MYO3B: variants seen among roughly 807,000 people sequenced by gnomAD.
The protein encoded by MYO3B is myosin-IIIb.
In MYO3B, 156 loss-of-function variants were observed where a neutral mutation model predicts 174.6. That is an observed-to-expected ratio of 0.89 (90% confidence interval 0.78 to 1.02). The LOEUF (loss-of-function observed/expected upper bound fraction) is 1.02, where lower values mean the gene tolerates loss of function less well. MYO3B is among the 50% of genes least tolerant of loss of function. The pLI is 0.00. For missense variants in MYO3B, 1,632 were observed against 1,639.4 expected, an observed-to-expected ratio of 1.00 and a Z score of 0.08; for synonymous variants, 563 against 569.1, an observed-to-expected ratio of 0.99 and a Z score of 0.15.
chr2:170,322,588 G>T (rs890866049), intron 7 of MYO3B, among the ~76,000 whole-genome samples: 1 of 152,192 alleles, frequency 6.6e-6, no homozygotes, highest in African/African-American at 2.4e-5. Context: ...TACTGCTGGG[G>T]CCTCTCTGCC....
At chr2:170,447,558 T>G (rs1683297585) in intron 23 of MYO3B, among the ~76,000 whole-genome samples, 1 of 152,198 alleles carries the variant, frequency 6.6e-6, no homozygotes, top group African/African-American at 2.4e-5. Flanking sequence ...AGTTGACAAA[T>G]GAGGCAAATC....
intron 32 of MYO3B, among the ~76,000 whole-genome samples, chr2:170,606,255 T>C (rs1346819332): frequency 2.0e-5 from 3 of 152,228 alleles, no homozygotes; most frequent in Non-Finnish European, 4.4e-5. Flanking sequence ...AAGCTCTGTA[T>C]GACATGTCCA....
intron 32 of MYO3B, among the ~76,000 whole-genome samples, chr2:170,563,553 C>G (rs143118970): frequency 2.0e-5 from 3 of 152,294 alleles, no homozygotes; most frequent in African/African-American, 4.8e-5. Flanking sequence ...CACTGAGAAG[C>G]CAGACTAGTC....
At chr2:170,331,877 A>C (rs1486860171) in intron 7 of MYO3B, among the ~76,000 whole-genome samples, 1 of 152,064 alleles carries the variant, frequency 6.6e-6, no homozygotes, top group East Asian at 1.9e-4. Context: ...AGTCCCTTTC[A>C]TACGTTGAAT....
At chr2:170,405,754 A>G (rs2094505514) in intron 21 of MYO3B, 121 bp downstream of exon 21, 4 of 774,874 alleles carry the variant, frequency 5.2e-6, no homozygotes, top group African/African-American at 3.5e-5. Flanking sequence ...TTCTTCCTGA[A>G]TACCTAATCA....
At chr2:170,466,211 A>T (rs957267813) in intron 24 of MYO3B, among the ~76,000 whole-genome samples, 7 of 151,708 alleles carry the variant, frequency 4.6e-5, no homozygotes, top group African/African-American at 1.7e-4. Flanking sequence ...TACCAGCGAC[A>T]AGCATTCTAG....
chr2:170,314,044 T>A (rs1322121225), intron 7 of MYO3B, among the ~76,000 whole-genome samples: 1 of 152,174 alleles, frequency 6.6e-6, no homozygotes, highest in African/African-American at 2.4e-5. Context: ...AGAAGGGGAC[T>A]GTGCTCCCTC....
At chr2:170,485,344 TG>T (rs1452033311) in intron 25 of MYO3B, among the ~76,000 whole-genome samples, 1 of 150,760 alleles carries the variant, frequency 6.6e-6, no homozygotes, top group African/African-American at 2.5e-5. Flanking sequence ...TGCCCAATGA[TG>T]CCCCCTCTCT....
Position 170,643,430 on chromosome 2 carries a change from T to C in MYO3B, c.3734-8198T>C, listed in dbSNP as rs796986982. ...GATTGTCTAGCTGACAGCTGGGTTA[T>C]TGTCACCTGCAAATGCCCTGAGAAC... On this transcript the variant is annotated intron_variant, in intron 32 of 34. Transcript: ENST00000408978. Among the ~76,000 whole-genome samples, 8 of 152,260 alleles carry C rather than the reference T, an allele frequency of 5.3e-5. No homozygotes were observed. In the South Asian group the frequency reaches 1.2e-3, roughly 24 times the overall value.
Position 170,404,315 on chromosome 2 carries a change from C to T in MYO3B, c.2346C>T (p.Asp782=), listed in dbSNP as rs1278328071. 1.2e-6 allele frequency: 2 copies of T among 1,613,928 alleles called. No individual in the cohort carries two copies. The highest frequency in any genetic ancestry group is 1.7e-5 in the Admixed American group (1 of 59,984). Residue 782 remains aspartate (D), a synonymous_variant, in exon 20 of 35, where the codon GAC becomes GAT. Coordinates refer to ENST00000408978, the MANE Select transcript of MYO3B (RefSeq NM_138995.5). ...ATGAGGACAACCGCCCGCTCTTGGACATGTTCCTCCAGAAACCCCTGGGAC... is the reference window on the plus strand; with the variant it reads ...ATGAGGACAACCGCCCGCTCTTGGATATGTTCCTCCAGAAACCCCTGGGAC... ...VEYEDNRPLL[D]MFLQKPLGLL...
At chr2:170,299,852 A>G (rs1418583795) in intron 7 of MYO3B, among the ~76,000 whole-genome samples, 2 of 152,226 alleles carry the variant, frequency 1.3e-5, no homozygotes, top group Non-Finnish European at 2.9e-5. Flanking sequence ...CACAGGAATA[A>G]TTATGTGGGG....
At chr2:170,479,913 G>T (rs1240448252) in intron 25 of MYO3B, among the ~76,000 whole-genome samples, 1 of 147,354 alleles carries the variant, frequency 6.8e-6, no homozygotes, top group African/African-American at 2.5e-5. Context: ...TATTTTATAG[G>T]TTTAATATGT....
chr2:170,424,509 C>T (rs968687491), intron 22 of MYO3B, among the ~76,000 whole-genome samples: 10 of 151,948 alleles, frequency 6.6e-5, no homozygotes, highest in Non-Finnish European at 1.3e-4. Flanking sequence ...CCTGGCTACT[C>T]GGGAGGCTGA....
intron 28 of MYO3B, among the ~76,000 whole-genome samples, chr2:170,509,716 C>T (rs1375979317): frequency 2.6e-5 from 4 of 152,210 alleles, no homozygotes; most frequent in Non-Finnish European, 5.9e-5. Context: ...CCTTTTGCAA[C>T]TTGTTCTGAA....
At chr2:170,505,136 T>C (rs1410301342) in intron 28 of MYO3B, among the ~76,000 whole-genome samples, 3 of 152,068 alleles carry the variant, frequency 2.0e-5, no homozygotes, top group Non-Finnish European at 2.9e-5. Context: ...ATACATTTCC[T>C]ATGTGTATAA....
intron 5 of MYO3B, among the ~76,000 whole-genome samples, chr2:170,216,234 A>C (rs1173667798): frequency 6.6e-6 from 1 of 152,238 alleles, no homozygotes; most frequent in Admixed American, 6.5e-5. Flanking sequence ...TTTTGTCATC[A>C]ATGACATTAG....
intron 32 of MYO3B, among the ~76,000 whole-genome samples, chr2:170,590,594 A>ATT (rs111705221): frequency 0.027 from 3,785 of 140,588 alleles, 55 homozygotes; most frequent in Middle Eastern, 0.063. Flanking sequence ...TGATTGATTG[A>ATT]TTTTTTTTTT....
At chr2:170,292,790 C>T (rs1311924547) in intron 7 of MYO3B, among the ~76,000 whole-genome samples, 2 of 152,136 alleles carry the variant, frequency 1.3e-5, no homozygotes, top group Non-Finnish European at 2.9e-5. Flanking sequence ...TGAACAGCCA[C>T]TCTGATTTGG....
chr2:170,599,521 C>T (rs750566881), intron 32 of MYO3B, among the ~76,000 whole-genome samples: 2 of 152,104 alleles, frequency 1.3e-5, no homozygotes, highest in African/African-American at 2.4e-5. Flanking sequence ...CCAAGGCAGG[C>T]GGATCATTTG....
Sources: allele counts gnomAD v4.1 joint callset (sites outside exome capture counted in the v4.1 genomes callset), GRCh38; gene constraint gnomAD v4.1.1; transcripts MANE v1.5; gene names NCBI Gene and HGNC (gene_info 2026-07-23, HGNC 2026-07-21).